MMP26: variants seen among roughly 807,000 people sequenced by gnomAD.
MMP26 encodes the protein matrix metalloproteinase-26.
A neutral mutation model predicts 31.0 loss-of-function variants in MMP26; 33 were observed. That is an observed-to-expected ratio of 1.06 (90% CI 0.81 to 1.42). The LOEUF (loss-of-function observed/expected upper bound fraction) is 1.42. MMP26 is among the 40% of genes most tolerant of loss of function. The pLI, the probability that MMP26 is intolerant of heterozygous loss-of-function variation, is 0.00. For synonymous variants in MMP26, 122 were observed against 114.9 expected (o/e 1.06, Z -0.40); for missense variants, 347 against 316.1 (o/e 1.10, Z -0.74).
At chr11:4,718,292 A>C (rs888037329) in intron 1 of MMP26, among the ~76,000 whole-genome samples, 1 of 152,224 alleles carries the variant, frequency 6.6e-6, no homozygotes, top group African/African-American at 2.4e-5. Flanking sequence ...ACACTTCAAC[A>C]AATATTTGCT....
intron 2 of MMP26, among the ~76,000 whole-genome samples, chr11:4,772,742 G>A (rs1207326601): frequency 6.6e-6 from 1 of 152,130 alleles, no homozygotes; most frequent in Non-Finnish European, 1.5e-5. Flanking sequence ...ACTAATTCTA[G>A]GTTCATAAGA....
rs770485975 is a variant in MMP26, at chr11:4,915,586, C to T, written c.-144-72482C>T. ...GGATGGAGATCCAGATGTGCATGCG[C>T]TCCAGCCCAGGGATGCCACTCAGCA... On this transcript the variant is annotated intron_variant, in intron 2 of 7. Coordinates refer to ENST00000380390, the MANE Select transcript of MMP26 (RefSeq NM_021801.5). The T allele has an allele frequency of 4.3e-6, 7 of 1,614,072 alleles. No individual in the cohort carries two copies. The South Asian group carries it at 7.7e-5, about 18-fold the overall frequency.
At position 4,907,760 on chromosome 11, in the gene MMP26, A is replaced by G. The variant is rs180960246; in HGVS notation, c.-144-80308A>G. The stretch of plus-strand genomic sequence containing the variant: ...CTTTCTTGCCATTCACAATCCCTTA[A>G]GATACAGTTCTATCCTCACTAGCAA... On this transcript the variant is annotated intron_variant, in intron 2 of 7. Coordinates refer to ENST00000380390, the MANE Select transcript of MMP26 (RefSeq NM_021801.5). The G allele has an allele frequency of 1.5e-5, 24 of 1,614,096 alleles. No homozygotes were observed. In the East Asian group the frequency reaches 4.0e-4, roughly 27 times the overall value.
intron 2 of MMP26, among the ~76,000 whole-genome samples, chr11:4,958,587 T>C (rs1046987751): frequency 2.6e-5 from 4 of 152,222 alleles, no homozygotes; most frequent in African/African-American, 9.6e-5. Flanking sequence ...CTATCATCTA[T>C]CATTTATATC....
At chr11:4,767,029 C>T (rs925233535) in intron 1 of MMP26, among the ~76,000 whole-genome samples, 16 of 151,936 alleles carry the variant, frequency 1.1e-4, no homozygotes, top group African/African-American at 2.9e-4. Context: ...TAAACTAAAT[C>T]GATAAACAAA....
At chr11:4,781,383 TA>T (rs1848858593) in intron 2 of MMP26, among the ~76,000 whole-genome samples, 1 of 124,970 alleles carries the variant, frequency 8.0e-6, no homozygotes. Flanking sequence ...CCGTCTCTAC[TA>T]AAAATACAAA....
chr11:4,858,649 A>G (rs1850094257), intron 2 of MMP26, among the ~76,000 whole-genome samples: 2 of 152,252 alleles, frequency 1.3e-5, no homozygotes, highest in African/African-American at 2.4e-5. Context: ...CATACTGCCC[A>G]AAGTAATTTA....
intron 2 of MMP26, among the ~76,000 whole-genome samples, chr11:4,884,836 T>C (rs1850527316): frequency 6.6e-6 from 1 of 152,128 alleles, no homozygotes; most frequent in South Asian, 2.1e-4. Flanking sequence ...TGTGAACATA[T>C]TTTTGGATCA....
intron 2 of MMP26, among the ~76,000 whole-genome samples, chr11:4,768,675 A>G (rs1848662836): frequency 6.6e-6 from 1 of 152,186 alleles, no homozygotes; most frequent in Admixed American, 6.5e-5. Flanking sequence ...TGGAAGAATA[A>G]ATGGAATATG....
intron 2 of MMP26, among the ~76,000 whole-genome samples, chr11:4,865,620 G>C (rs1175397610): frequency 6.6e-6 from 1 of 151,806 alleles, no homozygotes; most frequent in East Asian, 1.9e-4. Context: ...TCTTATTTTT[G>C]TTCTTCTTCG....
chr11:4,976,106 C>A (rs1381463844), intron 2 of MMP26, among the ~76,000 whole-genome samples: 1 of 151,978 alleles, frequency 6.6e-6, no homozygotes, highest in African/African-American at 2.4e-5. Context: ...TCTAGAGGAA[C>A]TAGAACATTG....
intron 2 of MMP26, among the ~76,000 whole-genome samples, chr11:4,814,906 G>A (rs979503818): frequency 6.6e-6 from 1 of 152,268 alleles, no homozygotes; most frequent in Non-Finnish European, 1.5e-5. Context: ...GGTTAAGAAC[G>A]CACCCGTGGC....
intron 2 of MMP26, among the ~76,000 whole-genome samples, chr11:4,857,409 C>T (rs1850070782): frequency 6.6e-6 from 1 of 151,984 alleles, no homozygotes; most frequent in African/African-American, 2.4e-5. Flanking sequence ...ACCAATCTCA[C>T]AGAGATACAA....
intron 2 of MMP26, among the ~76,000 whole-genome samples, chr11:4,816,697 C>CTTTTT (rs747753151): frequency 6.9e-4 from 55 of 79,372 alleles, no homozygotes; most frequent in African/African-American, 1.8e-3. Context: ...TGGGTGCCTT[C>CTTTTT]TTTTTTTTTT....
In MMP26 at chr11:4,927,474, T is replaced by G. The variant is rs559561872; in HGVS notation, c.-144-60594T>G. Among the ~76,000 whole-genome samples, 4 of 152,218 alleles carry G rather than the reference T, an allele frequency of 2.6e-5. No homozygotes were observed. The South Asian group carries it at 8.3e-4, about 32-fold the overall frequency. ...CTAGGACTAGAACCACAGGTCAATC[T>G]CAAGTCCATTTGCCCCTCAAAACTG... On this transcript the variant is annotated intron_variant, in intron 2 of 7. Coordinates refer to ENST00000380390, the MANE Select transcript of MMP26 (RefSeq NM_021801.5).
intron 2 of MMP26, among the ~76,000 whole-genome samples, chr11:4,785,834 G>C (rs1050868301): frequency 2.0e-5 from 3 of 152,022 alleles, no homozygotes; most frequent in Admixed American, 6.5e-5. Context: ...ATATGTTTTC[G>C]CTATGTTTTA....
At chr11:4,740,664 C>T (rs12224567) in intron 1 of MMP26, among the ~76,000 whole-genome samples, 26,132 of 129,640 alleles carry the variant, frequency 0.2, 2,768 homozygotes, top group African/African-American at 0.34. Context: ...GCCTGGGCAA[C>T]AAGAGTGAGA....
chr11:4,967,030 G>T (rs1846604934), intron 2 of MMP26, among the ~76,000 whole-genome samples: 1 of 152,134 alleles, frequency 6.6e-6, no homozygotes, highest in Non-Finnish European at 1.5e-5. Context: ...TTTCTGAGTG[G>T]TTCACACACC....
intron 1 of MMP26, among the ~76,000 whole-genome samples, chr11:4,764,663 G>A (rs751457411): frequency 5.9e-5 from 9 of 152,214 alleles, no homozygotes; most frequent in East Asian, 1.9e-4. Flanking sequence ...GAGGTCAGGA[G>A]ATCCAGACCA....
Sources: allele counts gnomAD v4.1 joint callset (sites outside exome capture counted in the v4.1 genomes callset), GRCh38; gene constraint gnomAD v4.1.1; transcripts MANE v1.5; gene names NCBI Gene and HGNC (gene_info 2026-07-23, HGNC 2026-07-21).